Variants in GRIN2B observed in about 807,000 individuals in gnomAD.
The protein encoded by GRIN2B is glutamate ionotropic receptor NMDA type subunit 2B.
A neutral mutation model predicts 114.5 loss-of-function variants in GRIN2B; 5 were observed. That is an observed-to-expected ratio of 0.04 (90% confidence interval 0.02 to 0.09). The LOEUF is 0.09. Among genes scored for constraint, GRIN2B ranks in the 10% least tolerant of loss-of-function variants. The pLI is 1.00. For missense variants in GRIN2B, 1,108 were observed against 1,943.5 expected, an observed-to-expected ratio of 0.57 and a Z score of 8.08; for synonymous variants, 787 against 745.1, an observed-to-expected ratio of 1.06 and a Z score of -0.92.
intron 3 of GRIN2B, among the ~76,000 whole-genome samples, chr12:13,814,360 A>C (rs1359668046): frequency 1.3e-5 from 2 of 152,216 alleles, no homozygotes; most frequent in East Asian, 1.9e-4. Flanking sequence ...CCAGCAAAGG[A>C]GAGAGTCGTT....
chr12:13,672,398 C>G (rs1950030447), intron 5 of GRIN2B, among the ~76,000 whole-genome samples: 1 of 152,136 alleles, frequency 6.6e-6, no homozygotes. Context: ...CACCCTGGTG[C>G]CTGCCTCCCT....
intron 3 of GRIN2B, among the ~76,000 whole-genome samples, chr12:13,819,967 A>T (rs1864902197): frequency 6.6e-6 from 1 of 152,122 alleles, no homozygotes; most frequent in Non-Finnish European, 1.5e-5. Flanking sequence ...TCCTCATAGG[A>T]TTCTCCCACT....
At chr12:13,864,526 G>A (rs1334958635) in intron 3 of GRIN2B, among the ~76,000 whole-genome samples, 1 of 152,196 alleles carries the variant, frequency 6.6e-6, no homozygotes, top group Non-Finnish European at 1.5e-5. Flanking sequence ...CACTTGTGGT[G>A]AAACTAACTA....
At chr12:13,967,180 A>G (rs1311939660) in intron 2 of GRIN2B, among the ~76,000 whole-genome samples, 1 of 152,218 alleles carries the variant, frequency 6.6e-6, no homozygotes, top group African/African-American at 2.4e-5. Context: ...ATAGCTAATG[A>G]GCACATCAGA....
chr12:13,805,339 C>T (rs939427949), intron 3 of GRIN2B, among the ~76,000 whole-genome samples: 2 of 152,174 alleles, frequency 1.3e-5, no homozygotes, highest in Admixed American at 6.5e-5. Flanking sequence ...TTCATGGATC[C>T]GCATAAGATA....
Position 13,608,603 on chromosome 12 carries a change from C to T in GRIN2B, c.2010G>A (p.Lys670=), listed in dbSNP as rs1369104116. 1.2e-6 allele frequency: 2 copies of T among 1,607,610 alleles called. No homozygotes were observed. The highest frequency in any genetic ancestry group is 1.7e-6 in the Non-Finnish European group (2 of 1,174,186). Reference sequence around the variant, plus strand: ...GGGAGATTTCAAATGAGTCTCTTACCTTTTTGTCGCTCAGGCCAGAAACCT... The same window carrying T: ...GGGAGATTTCAAATGAGTCTCTTACTTTTTTGTCGCTCAGGCCAGAAACCT... ...VDQVSGLSDK[K]FQRPNDFSPP... is the part of the protein sequence containing the mutation. The change falls in exon 10 of 14, where the codon AAG becomes AAA. Residue 670 remains lysine, a splice_region_variant and synonymous_variant. Coordinates refer to ENST00000609686, the MANE Select transcript of GRIN2B (RefSeq NM_000834.5).
chr12:13,691,944 GT>G (rs1950217867), intron 4 of GRIN2B, among the ~76,000 whole-genome samples: 1 of 152,124 alleles, frequency 6.6e-6, no homozygotes. Context: ...CTTCCCATTT[GT>G]TTTTCTAACC....
intron 4 of GRIN2B, among the ~76,000 whole-genome samples, chr12:13,735,781 A>T (rs1440708491): frequency 6.6e-6 from 1 of 152,116 alleles, no homozygotes; most frequent in African/African-American, 2.4e-5. Flanking sequence ...TCAATTTCTT[A>T]TAGACATATT....
At chr12:13,669,933 G>T (rs1321625166) in intron 5 of GRIN2B, among the ~76,000 whole-genome samples, 2 of 152,130 alleles carry the variant, frequency 1.3e-5, no homozygotes, top group Non-Finnish European at 2.9e-5. Context: ...TCCTGGACAT[G>T]AGGTCACCAG....
intron 2 of GRIN2B, among the ~76,000 whole-genome samples, chr12:13,939,311 G>T (rs922255228): frequency 6.6e-6 from 1 of 152,046 alleles, no homozygotes; most frequent in South Asian, 2.1e-4. Context: ...AGGTGTTTGG[G>T]TCAGGGGGCT....
At chr12:13,690,277 A>G (rs978788481) in intron 4 of GRIN2B, among the ~76,000 whole-genome samples, 1 of 116,954 alleles carries the variant, frequency 8.6e-6, no homozygotes, top group Non-Finnish European at 1.8e-5. Context: ...CACCCCTTCT[A>G]TGTCACACCA....
intron 3 of GRIN2B, among the ~76,000 whole-genome samples, chr12:13,806,748 C>T (rs2136679317): frequency 6.6e-6 from 1 of 152,128 alleles, no homozygotes; most frequent in South Asian, 2.1e-4. Context: ...TCTATTTTTA[C>T]TTGTGTTGCT....
chr12:13,567,600 A>G (rs1178247329), intron 12 of GRIN2B, among the ~76,000 whole-genome samples: 4 of 152,186 alleles, frequency 2.6e-5, no homozygotes, highest in Non-Finnish European at 4.4e-5. Flanking sequence ...GCAGGTAACA[A>G]GAGTCCAAAT....
chr12:13,677,495 A>C (rs1242389122), intron 4 of GRIN2B, among the ~76,000 whole-genome samples: 1 of 152,204 alleles, frequency 6.6e-6, no homozygotes, highest in Admixed American at 6.5e-5. Context: ...GTAGCTTCAC[A>C]AATGCAATCA....
At chr12:13,796,965 G>T (rs1439754602) in intron 3 of GRIN2B, among the ~76,000 whole-genome samples, 1 of 152,104 alleles carries the variant, frequency 6.6e-6, no homozygotes, top group Non-Finnish European at 1.5e-5. Context: ...TATCTATTTA[G>T]ATTGTGAGTC....
intron 3 of GRIN2B, among the ~76,000 whole-genome samples, chr12:13,812,876 T>C (rs893486559): frequency 2.6e-5 from 4 of 152,068 alleles, no homozygotes; most frequent in African/African-American, 9.7e-5. Flanking sequence ...CATGGCAAAC[T>C]TGTAACCAGA....
intron 3 of GRIN2B, among the ~76,000 whole-genome samples, chr12:13,782,339 A>C (rs1352424803): frequency 6.6e-6 from 1 of 151,924 alleles, no homozygotes; most frequent in African/African-American, 2.4e-5. Context: ...TTATATATAT[A>C]TCTCTCTTCT....
intron 5 of GRIN2B, among the ~76,000 whole-genome samples, chr12:13,662,687 T>C (rs1949936200): frequency 6.6e-6 from 1 of 152,022 alleles, no homozygotes; most frequent in African/African-American, 2.4e-5. Flanking sequence ...CTCGGGAAAA[T>C]ATTCGCCAAA....
chr12:13,649,141 G>A (rs551051155), intron 5 of GRIN2B, among the ~76,000 whole-genome samples: 1 of 152,158 alleles, frequency 6.6e-6, no homozygotes, highest in African/African-American at 2.4e-5. Context: ...GCCAGGGGTT[G>A]TTAGGAATAA....
Sources: gnomAD v4.1 joint callset for allele counts (sites outside exome capture counted in the v4.1 genomes callset) on GRCh38, gnomAD v4.1.1 for gene constraint, MANE v1.5 for transcripts, NCBI Gene and HGNC (gene_info 2026-07-23, HGNC 2026-07-21) for gene names.